PTPRM: variants seen among roughly 807,000 people sequenced by gnomAD.
PTPRM encodes receptor-type tyrosine-protein phosphatase mu.
PTPRM carries 47 observed loss-of-function variants against 186.7 expected under a neutral mutation model. The ratio of observed to expected loss-of-function variants is 0.25; its 90% CI spans 0.20 to 0.32. The LOEUF (loss-of-function observed/expected upper bound fraction) is 0.32. Ranked by LOEUF, PTPRM falls within the 10% of genes least tolerant of loss-of-function variation. The pLI is 1.00. For missense variants in PTPRM, 1,494 were observed against 1,865.0 expected (o/e 0.80, Z 3.66); for synonymous variants, 668 against 674.9 (o/e 0.99, Z 0.16).
intron 1 of PTPRM, among the ~76,000 whole-genome samples, chr18:7,644,725 TA>T (rs890700326): frequency 6.6e-6 from 1 of 151,900 alleles, no homozygotes; most frequent in African/African-American, 2.4e-5. Context: ...GAAATCTAAG[TA>T]GGAAATCAGA....
In PTPRM at chr18:7,691,770, C is replaced by T. The variant is rs182030339; in HGVS notation, c.74-82379C>T. ...TTTCTGAAACAGAAAAAACAAAAAA[C>T]AACAAAAACAAAAAAACAATTGGTC... On this transcript the variant is annotated intron_variant, in intron 1 of 32. Coordinates refer to ENST00000580170, the MANE Select transcript of PTPRM (RefSeq NM_001105244.2). 2.7e-3 allele frequency among the ~76,000 whole-genome samples: 411 copies of T among 151,772 alleles called. 1 individual carries two copies. The highest frequency in any genetic ancestry group is 0.017 in the Middle Eastern group (5 of 294).
intron 2 of PTPRM, among the ~76,000 whole-genome samples, chr18:7,882,400 T>A (rs559001004): frequency 6.6e-6 from 1 of 152,286 alleles, no homozygotes; most frequent in South Asian, 2.1e-4. Flanking sequence ...TCTAACTGGT[T>A]GTATCTGCAT....
At chr18:7,847,098 C>G (rs111824825) in intron 2 of PTPRM, among the ~76,000 whole-genome samples, 2,203 of 150,552 alleles carry the variant, frequency 0.015, 24 homozygotes, top group Non-Finnish European at 0.019. Flanking sequence ...TGACAAAGAG[C>G]AGAGTGTAGT....
chr18:7,621,938 G>T (rs1296702352), intron 1 of PTPRM, among the ~76,000 whole-genome samples: 2 of 152,158 alleles, frequency 1.3e-5, no homozygotes, highest in East Asian at 1.9e-4. Flanking sequence ...CCATGTACAG[G>T]TTTTTGTGTG....
At chr18:7,902,135 A>G (rs1470634664) in intron 3 of PTPRM, among the ~76,000 whole-genome samples, 1 of 152,238 alleles carries the variant, frequency 6.6e-6, no homozygotes, top group Non-Finnish European at 1.5e-5. Context: ...GCTTTAAGTC[A>G]GTGTTGGAAC....
chr18:7,984,980 C>CAT (rs1165417709), intron 7 of PTPRM, among the ~76,000 whole-genome samples: 4 of 113,406 alleles, frequency 3.5e-5, no homozygotes, highest in African/African-American at 1.5e-4. Context: ...ATTATATATA[C>CAT]ATATAATTAT....
chr18:8,346,057 C>T (rs2095503228), intron 23 of PTPRM, among the ~76,000 whole-genome samples: 1 of 152,074 alleles, frequency 6.6e-6, no homozygotes, highest in Non-Finnish European at 1.5e-5. Flanking sequence ...GTATAGAAAC[C>T]ATTTCTTTCT....
intron 22 of PTPRM, among the ~76,000 whole-genome samples, chr18:8,322,021 CCAACAAAA>C: frequency 6.6e-6 from 1 of 152,124 alleles, no homozygotes; most frequent in African/African-American, 2.4e-5. Flanking sequence ...CTCCAAGAGG[CCAACAAAA>C]TGGGCAATGA....
At chr18:7,963,318 T>C (rs1160035950) in intron 7 of PTPRM, among the ~76,000 whole-genome samples, 1 of 152,230 alleles carries the variant, frequency 6.6e-6, no homozygotes, top group South Asian at 2.1e-4. Context: ...TAAACACGGA[T>C]TCAGCACTTT....
chr18:7,921,514 G>A (rs1305756789), intron 4 of PTPRM, among the ~76,000 whole-genome samples: 5 of 151,540 alleles, frequency 3.3e-5, no homozygotes, highest in Admixed American at 6.6e-5. Context: ...CTGAGTAGCC[G>A]GGACTACAGG....
Position 7,879,694 on chromosome 18 carries a change from A to T in PTPRM, c.197-8412A>T, listed in dbSNP as rs2048407301. On this transcript the variant is annotated intron_variant, in intron 2 of 32. Coordinates refer to ENST00000580170, the MANE Select transcript of PTPRM (RefSeq NM_001105244.2). Reference sequence around the variant, plus strand: ...GTCTTAAAGCAAAGGTTATAAGCACATCTGAGGTATATGAGCTGTGCTTAT... The same window carrying T: ...GTCTTAAAGCAAAGGTTATAAGCACTTCTGAGGTATATGAGCTGTGCTTAT... Among the ~76,000 whole-genome samples, 4 of 152,228 alleles carry T rather than the reference A, an allele frequency of 2.6e-5. No individual in the cohort carries two copies. The South Asian group carries it at 8.3e-4, about 31-fold the overall frequency.
intron 14 of PTPRM, among the ~76,000 whole-genome samples, chr18:8,185,599 G>A (rs1408970066): frequency 2.0e-5 from 3 of 152,196 alleles, no homozygotes; most frequent in Admixed American, 6.5e-5. Context: ...CTGGGTCTGT[G>A]GCCACCGTAC....
At chr18:7,971,438 G>A (rs373837673) in intron 7 of PTPRM, among the ~76,000 whole-genome samples, 1 of 43,820 alleles carries the variant, frequency 2.3e-5, no homozygotes. Flanking sequence ...AGCAATGGCA[G>A]CAAAAGCCAA....
intron 14 of PTPRM, among the ~76,000 whole-genome samples, chr18:8,149,908 C>T (rs1022869966): frequency 6.6e-6 from 1 of 152,126 alleles, no homozygotes. Context: ...CACTATGAAG[C>T]TTAGTTTGGC....
At chr18:7,961,172 A>G (rs905078220) in intron 7 of PTPRM, among the ~76,000 whole-genome samples, 4 of 152,192 alleles carry the variant, frequency 2.6e-5, no homozygotes, top group Non-Finnish European at 4.4e-5. Context: ...TAAATGTACA[A>G]TTATTATTGA....
chr18:8,069,614 G>A (rs1189368609), intron 7 of PTPRM, 72 bp from the exon 8 acceptor site: 2 of 1,336,894 alleles, frequency 1.5e-6, no homozygotes, highest in Admixed American at 4.5e-5. Context: ...GAATATCTGT[G>A]ACCTTTGGGA....
intron 1 of PTPRM, among the ~76,000 whole-genome samples, chr18:7,656,341 T>A (rs939908465): frequency 2.0e-5 from 3 of 152,160 alleles, no homozygotes; most frequent in Non-Finnish European, 4.4e-5. Context: ...CCAAATAATT[T>A]CACTTTTATC....
intron 1 of PTPRM, among the ~76,000 whole-genome samples, chr18:7,675,990 G>A (rs984610062): frequency 6.6e-6 from 1 of 152,120 alleles, no homozygotes; most frequent in African/African-American, 2.4e-5. Flanking sequence ...GCCCGCCTCA[G>A]TCTCCCAAAG....
At chr18:8,098,232 G>A (rs932628508) in intron 11 of PTPRM, among the ~76,000 whole-genome samples, 4 of 152,146 alleles carry the variant, frequency 2.6e-5, no homozygotes, top group Non-Finnish European at 5.9e-5. Context: ...ATTTAATGTT[G>A]AGAGTGAGCA....
Sources: gnomAD v4.1 joint callset for allele counts (sites outside exome capture counted in the v4.1 genomes callset) on GRCh38, gnomAD v4.1.1 for gene constraint, MANE v1.5 for transcripts, NCBI Gene and HGNC (gene_info 2026-07-23, HGNC 2026-07-21) for gene names.